The following KMT2D variants were observed in gnomAD, a reference collection of about 807,000 sequenced individuals.
KMT2D encodes histone-lysine N-methyltransferase 2D.
Under a neutral mutation model 512.7 loss-of-function variants are expected in KMT2D, and 55 were observed. The ratio of observed to expected loss-of-function variants is 0.11; its 90% CI spans 0.09 to 0.13. The LOEUF (loss-of-function observed/expected upper bound fraction) is 0.13. Among genes scored for constraint, KMT2D ranks in the 10% least tolerant of loss-of-function variants. The pLI is 1.00. For synonymous variants in KMT2D, 2,995 were observed against 2,904.0 expected (o/e 1.03, Z -1.01); for missense variants, 6,061 against 7,127.9 (o/e 0.85, Z 5.39).
In KMT2D at chr12:49,044,488, C is replaced by T. The variant is rs2120584654; in HGVS notation, c.4998G>A (p.Leu1666=). The part of the protein sequence containing the change: ...GVEHMECEIK[L]EGPVSPDVEP... Reference sequence around the variant, plus strand: ...CCACATCAGGGCTGACGGGGCCCTCCAGTTTAATTTCGCACTCCATGTGCT... The same window carrying T: ...CCACATCAGGGCTGACGGGGCCCTCTAGTTTAATTTCGCACTCCATGTGCT... Residue 1666 remains leucine (L), a synonymous_variant, in exon 21 of 55, where the codon CTG becomes CTA. Transcript: ENST00000301067. This position sits in a 1 kb window ranked among gnomAD's most constrained non-coding sequence, Gnocchi z 6.4. 6.2e-7 allele frequency: 1 copy of T among 1,614,030 alleles called. No individual in the cohort carries two copies. The highest frequency in any genetic ancestry group is 8.5e-7 in the Non-Finnish European group (1 of 1,179,892).
rs370390426 is a variant in KMT2D, at chr12:49,030,946, G to T, written c.13618C>A (p.Arg4540=). Residue 4540 remains arginine (R), a synonymous_variant, in exon 41 of 55, where the codon CGG becomes AGG. Coordinates refer to ENST00000301067, the MANE Select transcript of KMT2D (RefSeq NM_003482.4). ...DRLVSSRKKL[R]KEDGVRASEA... is the part of the protein sequence containing the mutation. ...CTGGCCCTGACCCCGTCCTCCTTCC[G>T]CAGCTTCTTTCGGGAGCTCACCAAC... 6.2e-7 allele frequency: 1 copy of T among 1,613,950 alleles called. No homozygotes were observed. Among genetic ancestry groups the T allele is most frequent in the South Asian group, 1.1e-5 (1 of 91,088 alleles).
chr12:49,032,911 G>C lies in KMT2D; in HGVS notation c.11794C>G (p.Gln3932Glu), dbSNP rs958331584. ...AGCTGCTGCTGCTGTTGCTGCTGTT[G>C]AAGCTGTTGCTGCTGAAGTTGCTGT... ...QQQQLQQQQLQQQQQQQQLQQ... is the reference protein window; with the variant it reads ...QQQQLQQQQLEQQQQQQQLQQ... The change falls in exon 40 of 55, where the codon CAA becomes GAA. Residue 3932 changes from glutamine to glutamate, a missense_variant. Gln to Glu is a conservative substitution (Grantham distance 29). Around this residue, in one of 16 missense-constraint regions of KMT2D, gnomAD observed 1,600 missense variants for 1,754.9 expected, o/e 0.91. Coordinates refer to ENST00000301067, the MANE Select transcript of KMT2D (RefSeq NM_003482.4). 1.2e-5 allele frequency: 19 copies of C among 1,550,086 alleles called. No homozygotes were observed. The highest frequency in any genetic ancestry group is 2.0e-4 in the Middle Eastern group (1 of 5,022).
At position 49,054,461 on chromosome 12, in the gene KMT2D, A is replaced by G. The variant is rs1340739952; in HGVS notation, c.401-45T>C. On this transcript the variant is annotated intron_variant, in intron 4 of 54. Coordinates refer to ENST00000301067, the MANE Select transcript of KMT2D (RefSeq NM_003482.4). This position sits in a 1 kb window ranked among gnomAD's most constrained non-coding sequence, Gnocchi z 6.4. ...TAAAGAGAAAGGAAAGAATTAACAA[A>G]AAGAGGATTGCTGGCTCAGGACTAC... is the stretch of plus-strand genomic sequence containing the variant. 3 of 1,569,302 alleles carry G rather than the reference A, an allele frequency of 1.9e-6. No individual in the cohort carries two copies. The Admixed American group carries it at 5.7e-5, about 30-fold the overall frequency.
rs1315584380 is a variant in KMT2D at position 49,027,285 on chromosome 12, T to C, written c.14681A>G (p.Tyr4894Cys). The C allele has an allele frequency of 1.3e-6, 2 of 1,545,166 alleles. No individual in the cohort carries two copies. The highest frequency in any genetic ancestry group is 1.3e-5 in the South Asian group (1 of 78,560). ...ATCCAGATTGGAGACATTGTAGGTA[T>C]AGCTGTGCTGAGTGGGTGGCTCTGG... ...PAPEPPTQHS[Y>C]TYNVSNLDVR... The change falls in exon 49 of 55, where the codon TAT (tyrosine) becomes TGT (cysteine). Residue 4894 changes from tyrosine (Y) to cysteine (C), a missense_variant. Tyr to Cys is a radical substitution (Grantham distance 194). Around this residue, in one of 16 missense-constraint regions of KMT2D, gnomAD observed 1,600 missense variants for 1,754.9 expected, o/e 0.91. Coordinates refer to ENST00000301067, the MANE Select transcript of KMT2D (RefSeq NM_003482.4).
At chr12:49,027,681 C>A in intron 48 of KMT2D, 122 bp downstream of exon 48, 2 of 1,277,832 alleles carry the variant, frequency 1.6e-6, no homozygotes, top group Non-Finnish European at 2.2e-6. Flanking sequence ...TCTCAAACTC[C>A]TGGCCTAAAG....
rs1307142306 is a variant in KMT2D, at chr12:49,037,090, C to A, written c.10231+35G>T. 3 of 1,534,518 alleles carry A rather than the reference C, an allele frequency of 2.0e-6. No individual in the cohort carries two copies. In the South Asian group the frequency reaches 3.8e-5, roughly 20 times the overall value. On this transcript the variant is annotated intron_variant, in intron 35 of 54. Coordinates refer to ENST00000301067, the MANE Select transcript of KMT2D (RefSeq NM_003482.4). ...CCATTTAGGGATAACAATAATCACC[C>A]TGAGTAACTTGGCTATGTTACCAGC...
chr12:49,044,965 T>G lies in KMT2D; in HGVS notation c.4742A>C (p.Glu1581Ala), dbSNP rs1420923197. ...ACCTTCGAAGCGAAAGTACTGGGGCTCTGCATAAGAGGAAAGAGTATGTGA... is the reference window on the plus strand; with the variant it reads ...ACCTTCGAAGCGAAAGTACTGGGGCGCTGCATAAGAGGAAAGAGTATGTGA... ...ELVPMKVKEP[E>A]PQYFRFEGVW... Residue 1581 changes from glutamate (E) to alanine (A), a missense_variant and splice_region_variant, in exon 20 of 55, where the codon GAG becomes GCG. This residue lies in a region of KMT2D where 640 missense variants were observed against 814.3 expected (regional missense o/e 0.79). Coordinates refer to ENST00000301067, the MANE Select transcript of KMT2D (RefSeq NM_003482.4). The surrounding 1 kb of genome is among the most constrained non-coding windows in gnomAD (Gnocchi z 6.4). 1 of 1,612,818 alleles carries G rather than the reference T, an allele frequency of 6.2e-7. No individual in the cohort carries two copies. The highest frequency in any genetic ancestry group is 8.5e-7 in the Non-Finnish European group (1 of 1,178,912).
intron 12 of KMT2D, 87 bp downstream of exon 12, chr12:49,049,595 C>T (rs2120636107): frequency 7.2e-7 from 1 of 1,391,696 alleles, no homozygotes; most frequent in Non-Finnish European, 9.5e-7. Context: ...ATTCACAAAG[C>T]AAGGTGGGAA....
Position 49,030,317 on chromosome 12 carries a change from A to C in KMT2D, c.13962T>G (p.Asp4654Glu), listed in dbSNP as rs1942833909. The stretch of plus-strand genomic sequence containing the variant: ...TTTCACTATCCCGGGCAGAGGCAGC[A>C]TCCTTGGGGTGCTCCCCCAGCTCTT... ...PSEELGEHPK[D>E]AASARDSERA... Residue 4654 changes from aspartate (D) to glutamate (E), a missense_variant, in exon 43 of 55, where the codon GAT becomes GAG. Asp to Glu is a conservative substitution (Grantham distance 45, BLOSUM62 2). This residue lies in a region of KMT2D where 1,600 missense variants were observed against 1,754.9 expected (regional missense o/e 0.91). Transcript: ENST00000301067. 1.9e-6 allele frequency: 3 copies of C among 1,602,394 alleles called. No individual in the cohort carries two copies. The East Asian group carries it at 6.8e-5, about 36-fold the overall frequency.
intron 54 of KMT2D, 74 bp downstream of exon 54, chr12:49,021,969 A>G: frequency 6.4e-7 from 1 of 1,556,252 alleles, no homozygotes; most frequent in Non-Finnish European, 8.9e-7. Context: ...AGGAATCCAC[A>G]TTTAGGGAAT....
Position 49,039,699 on chromosome 12 carries a change from G to T in KMT2D, c.8046+25C>A, listed in dbSNP as rs1245099022. On this transcript the variant is annotated intron_variant, in intron 32 of 54. Transcript: ENST00000301067. The surrounding 1 kb of genome is among the most constrained non-coding windows in gnomAD (Gnocchi z 5.0). ...CCCAGAGACAGGAGCGATATAGGGG[G>T]CTTAGCTCCAGGGTGTCAACTTACC... is the stretch of plus-strand genomic sequence containing the variant. 1 of 1,608,002 alleles carries T rather than the reference G, an allele frequency of 6.2e-7. No homozygotes were observed. Among genetic ancestry groups the T allele is most frequent in the East Asian group, 2.2e-5 (1 of 44,836 alleles).
chr12:49,028,776 G>A (rs1243801505), intron 46 of KMT2D, 52 bp downstream of exon 46: 19 of 1,602,370 alleles, frequency 1.2e-5, no homozygotes, highest in African/African-American at 1.1e-4. Context: ...AAATTCCAGG[G>A]ACTGCCCTCT....
Position 49,037,745 on chromosome 12 carries a change from G to C in KMT2D, c.9611C>G (p.Pro3204Arg), listed in dbSNP as rs1298038896. The C allele has an allele frequency of 6.3e-7, 1 of 1,589,462 alleles. No individual in the cohort carries two copies. Among genetic ancestry groups the C allele is most frequent in the African/African-American group, 1.3e-5 (1 of 74,444 alleles). Residue 3204 changes from proline (P) to arginine (R), a missense_variant, in exon 35 of 55, where the codon CCA becomes CGA. By Grantham distance (103) the Pro-to-Arg change is moderately radical (BLOSUM62 -2). Around this residue, in one of 16 missense-constraint regions of KMT2D, gnomAD observed 533 missense variants for 539.6 expected, o/e 0.99. Transcript: ENST00000301067. ...HLLTPSPLSG[P>R]GGSSLLEKFE... Reference sequence around the variant, plus strand: ...CTTTTCCAGCAGGGAGGATCCTCCTGGGCCACTCAGTGGGCTGGGGGTCAG... The same window carrying C: ...CTTTTCCAGCAGGGAGGATCCTCCTCGGCCACTCAGTGGGCTGGGGGTCAG...
intron 43 of KMT2D, 54 bp downstream of exon 43, chr12:49,030,226 G>A: frequency 1.3e-6 from 2 of 1,495,232 alleles, no homozygotes; most frequent in Non-Finnish European, 1.8e-6. Flanking sequence ...ATACTAACTG[G>A]TTTGGACTCC....
chr12:49,033,993 C>G, intron 39 of KMT2D, 29 bp from the exon 40 acceptor site: 1 of 1,551,782 alleles, frequency 6.4e-7, no homozygotes, highest in Middle Eastern at 1.7e-4. Flanking sequence ...AGAGGTCAGG[C>G]TGGGGCATGC....
In KMT2D at chr12:49,028,082, G is replaced by A. The variant is rs752144533; in HGVS notation, c.14442C>T (p.Ser4814=). 1.1e-5 allele frequency: 17 copies of A among 1,613,840 alleles called. No individual in the cohort carries two copies. The highest frequency in any genetic ancestry group is 1.4e-5 in the Non-Finnish European group (17 of 1,179,872). Residue 4814 remains serine (S), a synonymous_variant, in exon 47 of 55, where the codon TCC becomes TCT. Coordinates refer to ENST00000301067, the MANE Select transcript of KMT2D (RefSeq NM_003482.4). ...AELLSMKIPN[S]YEVLFPESPA... is the part of the protein sequence containing the mutation. ...GGCTCTCTGGGAACAGCACCTCATA[G>A]GAGTTGGGGATCTTCATGCTCAGCA...
At position 49,040,560 on chromosome 12, in the gene KMT2D, G is replaced by T; in HGVS notation, c.7210C>A (p.Pro2404Thr). 1.2e-6 allele frequency: 2 copies of T among 1,612,334 alleles called. No individual in the cohort carries two copies. The highest frequency in any genetic ancestry group is 1.7e-6 in the Non-Finnish European group (2 of 1,178,802). ...GGCACTCGGGAGAAAGGGTCGGAGG[G>T]CAGTGAGCGAGGGGGCAGAGCACAG... is the stretch of plus-strand genomic sequence containing the variant. ...SCCALPPRSL[P>T]SDPFSRVPAS... Residue 2404 changes from proline (P) to threonine (T), a missense_variant, in exon 32 of 55, where the codon CCC (proline) becomes ACC (threonine). Transcript: ENST00000301067.
rs1290190387 is a variant in KMT2D at position 49,050,071 on chromosome 12, T to C, written c.3517A>G (p.Lys1173Glu). ...GGTGAGCCCTGCCCTGCTGTCTGCT[T>C]GCATTCGGGGTAGACCTCCATAGGG... Reference protein sequence around the residue: ...VTPMEVYPECKQTAGQGSPCE... With the variant: ...VTPMEVYPECEQTAGQGSPCE... The change falls in exon 12 of 55, where the codon AAG (lysine) becomes GAG (glutamate). Residue 1173 changes from lysine (K) to glutamate (E), a missense_variant. This residue lies in a region of KMT2D where 447 missense variants were observed against 500.1 expected (regional missense o/e 0.89). Coordinates refer to ENST00000301067, the MANE Select transcript of KMT2D (RefSeq NM_003482.4). 1.2e-6 allele frequency: 2 copies of C among 1,613,758 alleles called. No homozygotes were observed. Among genetic ancestry groups the C allele is most frequent in the Non-Finnish European group, 1.7e-6 (2 of 1,179,874 alleles).
In KMT2D at chr12:49,020,618, A is replaced by G. The variant is rs1942274788; in HGVS notation, c.*1162T>C. The G allele has an allele frequency of 2.2e-4, 17 of 75,740 alleles. No homozygotes were observed. In the East Asian group the frequency reaches 4.0e-3, roughly 18 times the overall value. 4.7% of individuals were successfully genotyped at this position (75,740 alleles called of 1,614,324 possible). A position where few individuals can be genotyped will look rare whatever the true frequency, so the allele number is the denominator to read the frequency against. ...TGACACTAAGCTCCCCCACCCCCAC[A>G]TCACCACCCCTTCCCACCAGACCAG... On this transcript the variant is annotated 3_prime_UTR_variant, in exon 55 of 55. Transcript: ENST00000301067.
Sources: allele counts gnomAD v4.1 joint callset, GRCh38; gene constraint gnomAD v4.1.1; regional missense constraint gnomAD v4.1.1; non-coding constraint Gnocchi (gnomAD v3.1); transcripts MANE v1.5; gene names NCBI Gene and HGNC (gene_info 2026-07-23, HGNC 2026-07-21).